Variants in NCALD observed in about 807,000 individuals in gnomAD.
The protein encoded by NCALD is neurocalcin-delta.
NCALD carries 10 observed loss-of-function variants against 18.6 expected under a neutral mutation model. That is an observed-to-expected ratio of 0.54 (90% CI 0.33 to 0.91). The LOEUF (loss-of-function observed/expected upper bound fraction) is 0.91, where lower values mean the gene tolerates loss of function less well. Among genes scored for constraint, NCALD ranks in the 40% least tolerant of loss-of-function variants. The probability of loss-of-function intolerance (pLI) is 0.03; values close to 1 mark genes in which losing one functional copy is unlikely to be tolerated. For synonymous variants in NCALD, 88 were observed against 87.4 expected (o/e 1.01, Z -0.04); for missense variants, 184 against 247.6 (o/e 0.74, Z 1.72).
At chr8:101,711,326 A>G (rs1034969866) in intron 2 of NCALD, among the ~76,000 whole-genome samples, 2 of 152,102 alleles carry the variant, frequency 1.3e-5, no homozygotes, top group Non-Finnish European at 2.9e-5. Context: ...CCAGTGCAAA[A>G]AGCCTGAAAA....
At chr8:102,020,492 G>A (rs778473672) in intron 1 of NCALD, 12 of 151,930 alleles carry the variant, frequency 7.9e-5, no homozygotes, top group Non-Finnish European at 1.2e-4. Context: ...TTCTAAAATC[G>A]GAATATAATA....
At chr8:101,864,081 TAGTATTACATACTTTCCAA>T (rs1815657746) in intron 4 of NCALD, among the ~76,000 whole-genome samples, 1 of 152,212 alleles carries the variant, frequency 6.6e-6, no homozygotes, top group Non-Finnish European at 1.5e-5. Context: ...TGTAATCAGA[TAGTATTACATACTTTCCAA>T]AGCATTTACA....
chr8:101,815,933 C>G (rs1214048133), intron 4 of NCALD, among the ~76,000 whole-genome samples: 2 of 151,996 alleles, frequency 1.3e-5, no homozygotes, highest in Non-Finnish European at 2.9e-5. Context: ...TGTGGTACAT[C>G]CAGACAATAC....
rs146290490 is a variant in NCALD at position 101,982,194 on chromosome 8, T to G, written c.-157+38043A>C. Among the ~76,000 whole-genome samples the G allele has an allele frequency of 6.5e-4, 99 of 152,310 alleles. 1 individual carries two copies. The highest frequency in any genetic ancestry group is 3.4e-3 in the Middle Eastern group (1 of 294). ...AGAAATGTGAGTCAAATAAACCTCTTTTCTTTATAAATTACCCAGTCTCAG... is the reference window on the plus strand; with the variant it reads ...AGAAATGTGAGTCAAATAAACCTCTGTTCTTTATAAATTACCCAGTCTCAG... On this transcript the variant is annotated intron_variant, in intron 2 of 6. Transcript: ENST00000311028.
chr8:101,961,268 T>C (rs770767348), intron 2 of NCALD, among the ~76,000 whole-genome samples: 1 of 152,140 alleles, frequency 6.6e-6, no homozygotes, highest in South Asian at 2.1e-4. Flanking sequence ...AATAACATTG[T>C]GGTATAATAA....
At chr8:101,963,149 A>G (rs1441693341) in intron 2 of NCALD, among the ~76,000 whole-genome samples, 2 of 151,526 alleles carry the variant, frequency 1.3e-5, no homozygotes, top group African/African-American at 2.5e-5. Flanking sequence ...ACTCTAACAC[A>G]TCACTGAAAG....
intron 1 of NCALD, among the ~76,000 whole-genome samples, chr8:102,046,723 C>T (rs1432611145): frequency 3.3e-5 from 5 of 151,792 alleles, no homozygotes; most frequent in Non-Finnish European, 7.4e-5. Context: ...AAGCAATCTG[C>T]CCATCTCAGC....
intron 4 of NCALD, among the ~76,000 whole-genome samples, chr8:101,853,463 T>C (rs1215137163): frequency 6.6e-6 from 1 of 152,148 alleles, no homozygotes; most frequent in East Asian, 1.9e-4. Context: ...GATCAAAATA[T>C]TGCAGTACTA....
chr8:101,802,786 A>G (rs1053382983), intron 4 of NCALD, among the ~76,000 whole-genome samples: 3 of 151,942 alleles, frequency 2.0e-5, no homozygotes, highest in African/African-American at 4.8e-5. Context: ...AGTTTAAGGA[A>G]AGAAGCCATC....
intron 4 of NCALD, among the ~76,000 whole-genome samples, chr8:101,797,709 C>A (rs114102560): frequency 5.0e-4 from 76 of 151,524 alleles, no homozygotes; most frequent in Non-Finnish European, 1.0e-3. Context: ...CCAGCTAATC[C>A]GGAAGCTGAG....
rs80104106 is a variant in NCALD at position 102,008,763 on chromosome 8, G to A, written c.-157+11474C>T. 4.6e-3 allele frequency among the ~76,000 whole-genome samples: 695 copies of A among 152,240 alleles called. 8 individuals carry two copies. The highest frequency in any genetic ancestry group is 0.016 in the African/African-American group (659 of 41,524). On this transcript the variant is annotated intron_variant, in intron 2 of 6. Transcript: ENST00000311028. ...TTTACTAGTCTTTGTCCAATTCAGTGTAGAAGTAACTGATTCTTACTGCTT... is the reference window on the plus strand; with the variant it reads ...TTTACTAGTCTTTGTCCAATTCAGTATAGAAGTAACTGATTCTTACTGCTT...
chr8:102,100,600 C>G (rs753146557), intron 1 of NCALD, among the ~76,000 whole-genome samples: 5 of 152,132 alleles, frequency 3.3e-5, no homozygotes, highest in Non-Finnish European at 5.9e-5. Flanking sequence ...AGAGTTTACA[C>G]ACATGTTCAC....
intron 4 of NCALD, among the ~76,000 whole-genome samples, chr8:101,867,588 A>T (rs1367435760): frequency 6.6e-6 from 1 of 152,208 alleles, no homozygotes; most frequent in Non-Finnish European, 1.5e-5. Flanking sequence ...TTAACTTTGG[A>T]ATTTTCACTG....
At chr8:101,986,462 C>G (rs1435751085) in intron 2 of NCALD, 1 of 152,284 alleles carries the variant, frequency 6.6e-6, no homozygotes, top group African/African-American at 2.4e-5. Context: ...TTACCTGTGT[C>G]TTTTGTTCAG....
chr8:102,043,617 G>C (rs1823131657), intron 1 of NCALD, among the ~76,000 whole-genome samples: 3 of 151,218 alleles, frequency 2.0e-5, no homozygotes, highest in Non-Finnish European at 4.4e-5. Context: ...GGTTAGTTAG[G>C]AGCTGTTCAT....
At chr8:101,885,840 T>C (rs1816657179) in intron 4 of NCALD, among the ~76,000 whole-genome samples, 1 of 152,226 alleles carries the variant, frequency 6.6e-6, no homozygotes, top group Admixed American at 6.5e-5. Context: ...CTTTACTGTC[T>C]TTAGGCAAAA....
At chr8:101,926,819 A>C (rs1444335891) in intron 2 of NCALD, among the ~76,000 whole-genome samples, 1 of 152,190 alleles carries the variant, frequency 6.6e-6, no homozygotes, top group Non-Finnish European at 1.5e-5. Flanking sequence ...CCTAGGGAAT[A>C]AGTGGCGTTA....
intron 1 of NCALD, among the ~76,000 whole-genome samples, chr8:101,735,859 C>T (rs1809885851): frequency 6.6e-6 from 1 of 152,212 alleles, no homozygotes. Context: ...GAGTGAGGCT[C>T]CTTCTTCTTC....
intron 4 of NCALD, among the ~76,000 whole-genome samples, chr8:101,846,206 A>C (rs1814862720): frequency 6.6e-6 from 1 of 152,130 alleles, no homozygotes; most frequent in Admixed American, 6.5e-5. Flanking sequence ...GCTAGATCAG[A>C]TGGTATTATA....
Sources: gnomAD v4.1 joint callset for allele counts (sites outside exome capture counted in the v4.1 genomes callset) on GRCh38, gnomAD v4.1.1 for gene constraint, MANE v1.5 for transcripts, NCBI Gene and HGNC (gene_info 2026-07-23, HGNC 2026-07-21) for gene names.